The following OPTN variants were observed in gnomAD, a reference collection of about 807,000 sequenced individuals.
OPTN encodes optineurin.
OPTN carries 54 observed loss-of-function variants against 70.4 expected under a neutral mutation model. That is an observed-to-expected ratio of 0.77 (90% CI 0.62 to 0.96). The LOEUF is 0.96. OPTN is among the 40% of genes least tolerant of loss of function. The pLI is 0.00. For synonymous variants in OPTN, 256 were observed against 248.5 expected (o/e 1.03, Z -0.28); for missense variants, 624 against 673.2 (o/e 0.93, Z 0.81).
chr10:13,116,345 G>A lies in OPTN; in HGVS notation c.626+5G>A. On this transcript the variant is annotated splice_donor_5th_base_variant and intron_variant, in intron 6 of 14. Transcript: ENST00000378747. Reference sequence around the variant, plus strand: ...GAGAACAGTCTCCACTGGCACGTATGTGAAGGAAGACTCGGGCTGTCAGGC... The same window carrying A: ...GAGAACAGTCTCCACTGGCACGTATATGAAGGAAGACTCGGGCTGTCAGGC... The A allele has an allele frequency of 1.2e-6, 2 of 1,610,656 alleles. No individual in the cohort carries two copies. The highest frequency in any genetic ancestry group is 1.7e-6 in the Non-Finnish European group (2 of 1,176,834).
chr10:13,108,850 T>G, intron 2 of OPTN: 1 of 434,182 alleles, frequency 2.3e-6, no homozygotes, highest in Non-Finnish European at 4.3e-6. Flanking sequence ...CCGGCCCTCA[T>G]TGTACCCTTT....
chr10:13,122,869 GT>G, intron 8 of OPTN: 1 of 291,498 alleles, frequency 3.4e-6, no homozygotes. Flanking sequence ...TACAGACAGG[GT>G]TTCACCATGT....
intron 4 of OPTN, among the ~76,000 whole-genome samples, chr10:13,111,909 A>G (rs1185853537): frequency 7.1e-5 from 9 of 127,258 alleles, no homozygotes; most frequent in Admixed American, 3.9e-4. Context: ...GTACAGTGGC[A>G]TAATCTCGGC....
At position 13,137,731 on chromosome 10, in the gene OPTN, T is replaced by G. The variant is rs992909760; in HGVS notation, c.*865T>G. ...TTTCACATAGGCAGTTAGCCTTTAC[T>G]TAATATCAAGACAAGTGAAAAAATA... On this transcript the variant is annotated 3_prime_UTR_variant, in exon 15 of 15. Coordinates refer to ENST00000378747, the MANE Select transcript of OPTN (RefSeq NM_001008212.2). 1 of 229,984 alleles carries G rather than the reference T, an allele frequency of 4.3e-6. No individual in the cohort carries two copies. The highest frequency in any genetic ancestry group is 8.6e-6 in the Non-Finnish European group (1 of 116,110). 14.2% of individuals were successfully genotyped at this position (229,984 alleles called of 1,614,324 possible). A position where few individuals can be genotyped will look rare whatever the true frequency, so the allele number is the denominator to read the frequency against.
At chr10:13,115,355 A>G (rs1296391702) in intron 5 of OPTN, among the ~76,000 whole-genome samples, 4 of 107,220 alleles carry the variant, frequency 3.7e-5, no homozygotes, top group Non-Finnish European at 6.8e-5. Context: ...ATATAATTGT[A>G]TAATATATAT....
chr10:13,125,280 G>T (rs1833433711), intron 9 of OPTN, 138 bp from the exon 10 acceptor site: 1 of 878,370 alleles, frequency 1.1e-6, no homozygotes, highest in African/African-American at 1.7e-5. Context: ...AAGCAAGGAG[G>T]ATTATGTATT....
intron 2 of OPTN, among the ~76,000 whole-genome samples, chr10:13,108,803 C>T (rs1028826922): frequency 6.6e-5 from 10 of 152,158 alleles, no homozygotes; most frequent in African/African-American, 1.4e-4. Flanking sequence ...GCCTCGGCCT[C>T]CCAAAGTGCT....
chr10:13,137,432 T>TGTTTG lies in OPTN; in HGVS notation c.*570_*574dup. 1 of 233,710 alleles carries TGTTTG rather than the reference T, an allele frequency of 4.3e-6. No individual in the cohort carries two copies. The allele number at this position is 233,710 out of a possible 1,614,324, so 14.5% of individuals were successfully genotyped here. A position where few individuals can be genotyped will look rare whatever the true frequency, so the allele number is the denominator to read the frequency against. ...CTGATAATAATTTTAATATTTTTTA[T>TGTTTG]GTTTGGTTGATGCGAGCAGCTGCAC... On this transcript the variant is annotated 3_prime_UTR_variant, in exon 15 of 15. Coordinates refer to ENST00000378747, the MANE Select transcript of OPTN (RefSeq NM_001008212.2).
intron 14 of OPTN, 130 bp downstream of exon 14, chr10:13,133,711 C>A: frequency 1.3e-6 from 1 of 771,670 alleles, no homozygotes; most frequent in Non-Finnish European, 2.2e-6. Context: ...ACCCGTCAGT[C>A]TCATTACCAC....
intron 14 of OPTN, among the ~76,000 whole-genome samples, chr10:13,134,991 A>G (rs776283197): frequency 2.0e-5 from 3 of 152,160 alleles, no homozygotes; most frequent in Non-Finnish European, 4.4e-5. Context: ...GTGATTAGAA[A>G]GCTCCCTGCT....
intron 1 of OPTN, among the ~76,000 whole-genome samples, chr10:13,101,196 G>A (rs1832735983): frequency 6.6e-6 from 1 of 152,178 alleles, no homozygotes; most frequent in African/African-American, 2.4e-5. Context: ...AGTGGACAAG[G>A]CAAGTTTAAA....
At chr10:13,109,559 C>G (rs1832947475) in intron 3 of OPTN, 1 of 417,608 alleles carries the variant, frequency 2.4e-6, no homozygotes, top group African/African-American at 2.0e-5. Flanking sequence ...GGCGTGGTGG[C>G]TCATGCCTGT....
rs61018153 is a variant in OPTN at position 13,126,283 on chromosome 10, C to CT, written c.1242+259dup. Among the ~76,000 whole-genome samples, 27,940 of 139,208 alleles carry CT rather than the reference C, an allele frequency of 0.2. 2,955 individuals carry two copies. Among genetic ancestry groups the CT allele is most frequent in the East Asian group, 0.3 (1,422 of 4,776 alleles). 91.3% of individuals were successfully genotyped at this position (139,208 alleles called of 152,430 possible). A position where few individuals can be genotyped will look rare whatever the true frequency, so the allele number is the denominator to read the frequency against. On this transcript the variant is annotated intron_variant, in intron 11 of 14. Coordinates refer to ENST00000378747, the MANE Select transcript of OPTN (RefSeq NM_001008212.2). Reference sequence around the variant, plus strand: ...GTCAGGGATTAAGCACTTCGTATTTCTTTTTTTTTTTTTTTGAGACGGAGT... The same window carrying CT: ...GTCAGGGATTAAGCACTTCGTATTTCTTTTTTTTTTTTTTTTGAGACGGAGT...
At chr10:13,122,956 T>C (rs763504484) in intron 8 of OPTN, 9 of 196,450 alleles carry the variant, frequency 4.6e-5, no homozygotes, top group Non-Finnish European at 9.7e-5. Flanking sequence ...ATTACAGATA[T>C]GAGCCACTGC....
intron 6 of OPTN, among the ~76,000 whole-genome samples, chr10:13,117,375 C>T (rs1031489952): frequency 2.0e-5 from 3 of 148,760 alleles, no homozygotes; most frequent in Non-Finnish European, 3.0e-5. Context: ...CCACCGCGCC[C>T]GGCCAGGATC....
At chr10:13,111,635 A>T (rs1447384911) in intron 4 of OPTN, among the ~76,000 whole-genome samples, 2 of 151,876 alleles carry the variant, frequency 1.3e-5, no homozygotes, top group Non-Finnish European at 2.9e-5. Flanking sequence ...GAGGTGGAGG[A>T]TGCAGTAAGC....
chr10:13,104,253 T>C (rs1001615569), intron 1 of OPTN, among the ~76,000 whole-genome samples: 15 of 113,960 alleles, frequency 1.3e-4, no homozygotes, highest in African/African-American at 4.5e-4. Flanking sequence ...AGTTTTTTTT[T>C]CTTTTTTTTT....
In OPTN at chr10:13,124,102, T is replaced by C. The variant is rs1020201958; in HGVS notation, c.990T>C (p.Leu330=). The change falls in exon 9 of 15, where the codon CTT becomes CTC. Residue 330 remains leucine (L), a synonymous_variant. Coordinates refer to ENST00000378747, the MANE Select transcript of OPTN (RefSeq NM_001008212.2). ...LSEAELMKKR[L]QEKCQALERK... is the part of the protein sequence containing the mutation. The stretch of plus-strand genomic sequence containing the variant: ...AAGCTGAGCTAATGAAGAAGAGACT[T>C]CAAGAAAAGTAAGAATGAGAGAGCA... 6 of 1,593,848 alleles carry C rather than the reference T, an allele frequency of 3.8e-6. No homozygotes were observed. The highest frequency in any genetic ancestry group is 5.2e-6 in the Non-Finnish European group (6 of 1,162,662).
intron 1 of OPTN, among the ~76,000 whole-genome samples, chr10:13,102,888 A>G (rs1331785543): frequency 6.6e-6 from 1 of 152,054 alleles, no homozygotes; most frequent in East Asian, 1.9e-4. Context: ...GGTTGCAGTG[A>G]GCTGAGATTT....
Sources: allele counts gnomAD v4.1 joint callset (sites outside exome capture counted in the v4.1 genomes callset), GRCh38; gene constraint gnomAD v4.1.1; transcripts MANE v1.5; gene names NCBI Gene and HGNC (gene_info 2026-07-23, HGNC 2026-07-21).